Variants in TMEM132B observed in about 807,000 individuals in gnomAD.
TMEM132B encodes the protein transmembrane protein 132B.
Under a neutral mutation model 90.8 loss-of-function variants are expected in TMEM132B, and 18 were observed. The observed-to-expected ratio is 0.20, with a 90% CI of 0.14 to 0.29. The LOEUF is 0.29. Among genes scored for constraint, TMEM132B ranks in the 10% least tolerant of loss-of-function variants. TMEM132B has a pLI of 1.00. For missense variants in TMEM132B, 1,096 were observed against 1,326.8 expected, an observed-to-expected ratio of 0.83 and a Z score of 2.70; for synonymous variants, 504 against 523.3, an observed-to-expected ratio of 0.96 and a Z score of 0.50.
At chr12:125,325,908 G>A (rs1461929182) in intron 1 of TMEM132B, among the ~76,000 whole-genome samples, 1 of 152,136 alleles carries the variant, frequency 6.6e-6, no homozygotes, top group African/African-American at 2.4e-5. Context: ...ATCAGATGTA[G>A]TAGCTTGACC....
chr12:125,394,906 G>C (rs1460429025), intron 2 of TMEM132B, among the ~76,000 whole-genome samples: 1 of 152,128 alleles, frequency 6.6e-6, no homozygotes, highest in Non-Finnish European at 1.5e-5. Context: ...GTTGGAAGGG[G>C]GATGAGGGTT....
At chr12:125,561,226 C>T (rs1340705829) in intron 4 of TMEM132B, among the ~76,000 whole-genome samples, 2 of 152,050 alleles carry the variant, frequency 1.3e-5, no homozygotes, top group African/African-American at 4.8e-5. Context: ...TTTGCAGGGA[C>T]GTGGATGAAG....
At chr12:125,312,000 G>C (rs1222478336) in intron 1 of TMEM132B, among the ~76,000 whole-genome samples, 2 of 152,242 alleles carry the variant, frequency 1.3e-5, no homozygotes, top group African/African-American at 4.8e-5. Flanking sequence ...GCTCTCTCCA[G>C]TGCAGTAATA....
intron 1 of TMEM132B, among the ~76,000 whole-genome samples, chr12:125,187,258 TCTC>T (rs1957765733): frequency 6.6e-6 from 1 of 152,040 alleles, no homozygotes; most frequent in Non-Finnish European, 1.5e-5. Flanking sequence ...ACGCAGCCCT[TCTC>T]CAGTGTCTTG....
Position 125,652,496 on chromosome 12 carries a change from A to G in TMEM132B, c.1970A>G (p.Asp657Gly). The change falls in exon 8 of 9, where the codon GAT (aspartate) becomes GGT (glycine). Residue 657 changes from aspartate to glycine, a missense_variant. By Grantham distance (94) the Asp-to-Gly change is moderately conservative. Coordinates refer to ENST00000682704, the MANE Select transcript of TMEM132B (RefSeq NM_001366854.1). ...GCTGAGAAGACGGTGATTGTCCTGG[A>G]TGACCGAGTCACCATCGCGGAGCTG... Reference protein sequence around the residue: ...ILAEKTVIVLDDRVTIAELGV... With the variant: ...ILAEKTVIVLGDRVTIAELGV... 6.2e-7 allele frequency: 1 copy of G among 1,613,388 alleles called. No homozygotes were observed. The highest frequency in any genetic ancestry group is 1.1e-5 in the South Asian group (1 of 90,988).
chr12:125,236,858 C>T (rs539683070), intron 1 of TMEM132B, among the ~76,000 whole-genome samples: 7 of 152,190 alleles, frequency 4.6e-5, no homozygotes, highest in Non-Finnish European at 1.0e-4. Flanking sequence ...TAGGTCTTTC[C>T]AAAAGCAGAC....
intron 5 of TMEM132B, among the ~76,000 whole-genome samples, chr12:125,632,574 G>T (rs1489080248): frequency 6.6e-6 from 1 of 152,012 alleles, no homozygotes; most frequent in Non-Finnish European, 1.5e-5. Flanking sequence ...TACAGGACAG[G>T]CCTGATGATG....
chr12:125,260,802 G>A (rs1874547127), intron 1 of TMEM132B, among the ~76,000 whole-genome samples: 1 of 152,160 alleles, frequency 6.6e-6, no homozygotes. Flanking sequence ...GTAACCCCAA[G>A]CACTTTAGGA....
chr12:125,503,197 T>C (rs920709441), intron 3 of TMEM132B, among the ~76,000 whole-genome samples: 1 of 152,190 alleles, frequency 6.6e-6, no homozygotes, highest in Non-Finnish European at 1.5e-5. Context: ...CTTCGCTTAG[T>C]TGTGAGGCCC....
intron 1 of TMEM132B, among the ~76,000 whole-genome samples, chr12:125,231,973 T>C (rs1415379956): frequency 6.6e-6 from 1 of 152,052 alleles, no homozygotes; most frequent in Non-Finnish European, 1.5e-5. Context: ...AGTCCATGTA[T>C]GGGTGTGTGT....
At chr12:125,364,126 A>C (rs1300680774) in intron 2 of TMEM132B, among the ~76,000 whole-genome samples, 2 of 152,186 alleles carry the variant, frequency 1.3e-5, no homozygotes, top group Non-Finnish European at 2.9e-5. Context: ...GGACATCATA[A>C]ACACCAATCA....
intron 3 of TMEM132B, among the ~76,000 whole-genome samples, chr12:125,428,646 G>A (rs117242670): frequency 0.034 from 5,231 of 152,110 alleles, 128 homozygotes; most frequent in Middle Eastern, 0.058. Context: ...ATTTAACACA[G>A]CCTGCCCCAA....
intron 4 of TMEM132B, among the ~76,000 whole-genome samples, chr12:125,554,145 C>T (rs573166433): frequency 4.5e-4 from 69 of 151,996 alleles, no homozygotes; most frequent in Admixed American, 1.5e-3. Context: ...AACAGTAGGC[C>T]GGGCGCGGTG....
intron 4 of TMEM132B, among the ~76,000 whole-genome samples, chr12:125,527,441 T>TACCCTTCCATCTACCCATCC (rs1566063958): frequency 2.6e-5 from 1 of 37,738 alleles, no homozygotes; most frequent in African/African-American, 1.2e-4. Context: ...TCCACCTATT[T>TACCCTTCCATCTACCCATCC]ACCCTTCCAT....
intron 3 of TMEM132B, among the ~76,000 whole-genome samples, chr12:125,420,666 T>A (rs960479109): frequency 1.1e-4 from 17 of 152,242 alleles, no homozygotes; most frequent in Admixed American, 9.2e-4. Context: ...TCATTACATA[T>A]GCAAGTTTCT....
chr12:125,582,287 A>G (rs1885071022), intron 4 of TMEM132B, among the ~76,000 whole-genome samples: 1 of 141,468 alleles, frequency 7.1e-6, no homozygotes, highest in South Asian at 2.6e-4. Context: ...TATTATTATT[A>G]TTATTATTAT....
At chr12:125,552,550 C>G (rs1016988906) in intron 4 of TMEM132B, among the ~76,000 whole-genome samples, 16 of 152,164 alleles carry the variant, frequency 1.1e-4, no homozygotes, top group African/African-American at 3.9e-4. Context: ...GAAAGAAACC[C>G]AAAAGTCGCC....
chr12:125,315,508 A>T (rs1264508010), intron 1 of TMEM132B, among the ~76,000 whole-genome samples: 1 of 152,192 alleles, frequency 6.6e-6, no homozygotes, highest in African/African-American at 2.4e-5. Flanking sequence ...CAATAATAGG[A>T]ATTGTTAACA....
intron 2 of TMEM132B, among the ~76,000 whole-genome samples, chr12:125,360,781 G>A (rs887166374): frequency 1.3e-5 from 2 of 151,660 alleles, no homozygotes; most frequent in African/African-American, 4.8e-5. Context: ...AATAGGAGAC[G>A]GTGTGTGGGT....
Sources: gnomAD v4.1 joint callset for allele counts (sites outside exome capture counted in the v4.1 genomes callset) on GRCh38, gnomAD v4.1.1 for gene constraint, MANE v1.5 for transcripts, NCBI Gene and HGNC (gene_info 2026-07-23, HGNC 2026-07-21) for gene names.